The following MTMR10 variants were observed in gnomAD, a reference collection of about 807,000 sequenced individuals.
The protein encoded by MTMR10 is myotubularin-related protein 10.
Under a neutral mutation model 88.1 loss-of-function variants are expected in MTMR10, and 56 were observed. That is an observed-to-expected ratio of 0.64 (90% CI 0.51 to 0.79). MTMR10 has a LOEUF of 0.79. MTMR10 is among the 30% of genes least tolerant of loss of function. MTMR10 has a pLI of 0.00. For synonymous variants in MTMR10, 380 were observed against 340.9 expected, an observed-to-expected ratio of 1.11 and a Z score of -1.26; for missense variants, 883 against 924.7, an observed-to-expected ratio of 0.95 and a Z score of 0.58.
In MTMR10 at chr15:30,939,064, A is replaced by G; in HGVS notation, c.*2406T>C. On this transcript the variant is annotated 3_prime_UTR_variant, in exon 16 of 16. Transcript: ENST00000435680. ...ACTCAAGTCATCAATTTTAGGCACA[A>G]AGGTTTTAGTTTTCTCGGGAAATCA... 3 of 985,440 alleles carry G rather than the reference A, an allele frequency of 3.0e-6. No individual in the cohort carries two copies. Among genetic ancestry groups the G allele is most frequent in the Non-Finnish European group, 3.6e-6 (3 of 829,924 alleles). 61.0% of individuals were successfully genotyped at this position (985,440 alleles called of 1,614,324 possible).
At chr15:30,983,706 C>T (rs1252514492) in intron 2 of MTMR10, among the ~76,000 whole-genome samples, 4 of 152,138 alleles carry the variant, frequency 2.6e-5, no homozygotes, top group Non-Finnish European at 4.4e-5. Flanking sequence ...GAGGGGTTTC[C>T]CTGGGATGTG....
downstream of MTMR10, among the ~76,000 whole-genome samples, chr15:30,938,150 C>T (rs958844571): frequency 1.3e-5 from 2 of 151,462 alleles, no homozygotes; most frequent in African/African-American, 4.9e-5. Context: ...CACCACTGCA[C>T]TCCAGCCTGG....
At chr15:30,937,361 TTTGAC>T, downstream of MTMR10, 11 of 1,127,416 alleles carry the variant, frequency 9.8e-6, no homozygotes, top group South Asian at 1.6e-5. Context: ...AACCTGATAG[TTTGAC>T]TTGTCATTTT....
In MTMR10 at chr15:30,976,887, A is replaced by G; in HGVS notation, c.190T>C (p.Leu64=). The part of the protein sequence containing the change: ...CIATDTSQYD[L]WGKLICSNFK... Reference sequence around the variant, plus strand: ...TTACTGCATATCAGCTTTCCCCACAAATCGTACTGGCTTGTGTCTGTTGCA... The same window carrying G: ...TTACTGCATATCAGCTTTCCCCACAGATCGTACTGGCTTGTGTCTGTTGCA... Residue 64 remains leucine, a synonymous_variant, in exon 3 of 16, where the codon TTG becomes CTG. Coordinates refer to ENST00000435680, the MANE Select transcript of MTMR10 (RefSeq NM_017762.3). The G allele has an allele frequency of 6.2e-7, 1 of 1,613,950 alleles. No individual in the cohort carries two copies. The highest frequency in any genetic ancestry group is 8.5e-7 in the Non-Finnish European group (1 of 1,179,826).
At chr15:30,968,534 A>AACACAC (rs61503155) in intron 5 of MTMR10, among the ~76,000 whole-genome samples, 10,008 of 142,992 alleles carry the variant, frequency 0.07, 421 homozygotes, top group African/African-American at 0.1. Context: ...TCAAAAAAAC[A>AACACAC]ACACACACAC....
intron 10 of MTMR10, among the ~76,000 whole-genome samples, chr15:30,953,979 G>C (rs2063286315): frequency 6.6e-6 from 1 of 152,260 alleles, no homozygotes; most frequent in East Asian, 1.9e-4. Context: ...CCAGGCCCTA[G>C]CCCTTGGCTT....
In MTMR10 at chr15:30,941,990, C is replaced by A; in HGVS notation, c.1814G>T (p.Arg605Ile). Residue 605 changes from arginine to isoleucine, a missense_variant, in exon 16 of 16, where the codon AGA becomes ATA. Coordinates refer to ENST00000435680, the MANE Select transcript of MTMR10 (RefSeq NM_017762.3). ...CTTTGGTTTTAATATCAATGAATTTCTCCTTGGAAGTAATTCTTGGTCACT... is the reference window on the plus strand; with the variant it reads ...CTTTGGTTTTAATATCAATGAATTTATCCTTGGAAGTAATTCTTGGTCACT... ...IISDQELLPR[R>I]NSLILKPKPD... The A allele has an allele frequency of 1.2e-6, 2 of 1,613,972 alleles. No individual in the cohort carries two copies. Among genetic ancestry groups the A allele is most frequent in the Non-Finnish European group, 1.7e-6 (2 of 1,179,908 alleles).
In MTMR10 at chr15:30,948,449, G is replaced by A; in HGVS notation, c.1230C>T (p.Ser410=). ...CTTGAACAAGAGAAGCTACACAACA[G>A]CTCAAGTCTCTTCCTTCCTCCTCTG... The part of the protein sequence containing the change: ...VLQEEEGRDL[S]CCVASLVQVM... Residue 410 remains serine, a synonymous_variant, in exon 13 of 16, where the codon AGC becomes AGT. Coordinates refer to ENST00000435680, the MANE Select transcript of MTMR10 (RefSeq NM_017762.3). 1 of 1,609,484 alleles carries A rather than the reference G, an allele frequency of 6.2e-7. No individual in the cohort carries two copies. Among genetic ancestry groups the A allele is most frequent in the Non-Finnish European group, 8.5e-7 (1 of 1,177,592 alleles).
intron 2 of MTMR10, among the ~76,000 whole-genome samples, chr15:30,983,200 C>CA (rs2030708844): frequency 6.6e-6 from 1 of 152,192 alleles, no homozygotes; most frequent in South Asian, 2.1e-4. Flanking sequence ...GGACCATTTA[C>CA]AGCACCAAGC....
chr15:30,953,296 A>G (rs1377878490), intron 11 of MTMR10, among the ~76,000 whole-genome samples: 1 of 152,036 alleles, frequency 6.6e-6, no homozygotes, highest in Non-Finnish European at 1.5e-5. Context: ...GGTTACGTGA[A>G]CCTACACACG....
intron 12 of MTMR10, 59 bp downstream of exon 12, chr15:30,951,909 A>G (rs2063252655): frequency 2.1e-6 from 3 of 1,410,622 alleles, no homozygotes; most frequent in Non-Finnish European, 3.0e-6. Flanking sequence ...GGGGACAAGC[A>G]GTAAACCAAG....
At chr15:30,968,256 G>T in intron 5 of MTMR10, 1 of 324,976 alleles carries the variant, frequency 3.1e-6, no homozygotes, top group Non-Finnish European at 5.5e-6. Flanking sequence ...TATTTGCTGA[G>T]TTAAATTTTA....
the MTMR10 span, among the ~76,000 whole-genome samples, chr15:30,919,532 A>T: frequency 6.6e-6 from 1 of 151,778 alleles, no homozygotes; most frequent in Non-Finnish European, 1.5e-5. Flanking sequence ...CTCTACTAAA[A>T]ATACAAAAAT....
chr15:30,990,962 T>A, intron 1 of MTMR10, 125 bp from the exon 2 acceptor site: 1 of 783,168 alleles, frequency 1.3e-6, no homozygotes, highest in Non-Finnish European at 2.0e-6. Context: ...TTTAAATTCT[T>A]TCGCATATTA....
chr15:30,932,480 G>A, the MTMR10 span, among the ~76,000 whole-genome samples: 1 of 152,104 alleles, frequency 6.6e-6, no homozygotes, highest in African/African-American at 2.4e-5. Context: ...AATAGTTGGT[G>A]TAGAATTAGT....
chr15:30,982,487 C>CA (rs561642306), intron 2 of MTMR10, among the ~76,000 whole-genome samples: 65 of 149,242 alleles, frequency 4.4e-4, no homozygotes, highest in Middle Eastern at 6.8e-3. Flanking sequence ...TAACAACAGC[C>CA]AAAAAAAAGA....
chr15:30,958,955 G>A lies in MTMR10; in HGVS notation c.847-4C>T, dbSNP rs142934760. 427 of 1,613,994 alleles carry A rather than the reference G, an allele frequency of 2.6e-4. No homozygotes were observed. The African/African-American group carries it at 4.6e-3, about 17-fold the overall frequency. On this transcript the variant is annotated splice_polypyrimidine_tract_variant and splice_region_variant and intron_variant, in intron 8 of 15. Coordinates refer to ENST00000435680, the MANE Select transcript of MTMR10 (RefSeq NM_017762.3). ...TAGAGTGGCTCCAGCACCAGAGCTA[G>A]GGGAGAGGTAGAATCCTTACTTCAC... is the stretch of plus-strand genomic sequence containing the variant.
chr15:30,970,605 C>T (rs2949577), intron 5 of MTMR10, among the ~76,000 whole-genome samples: 62,797 of 152,046 alleles, frequency 0.41, 14,397 homozygotes, highest in East Asian at 0.85. Flanking sequence ...ATACTAATGT[C>T]TATCACATTC....
intron 5 of MTMR10, among the ~76,000 whole-genome samples, chr15:30,973,495 C>A (rs78314860): frequency 0.015 from 2,331 of 152,228 alleles, 24 homozygotes; most frequent in Middle Eastern, 0.037. Context: ...TTACTGCAGT[C>A]AGTTGACTAA....
Sources: allele counts gnomAD v4.1 joint callset (sites outside exome capture counted in the v4.1 genomes callset), GRCh38; gene constraint gnomAD v4.1.1; transcripts MANE v1.5; gene names NCBI Gene and HGNC (gene_info 2026-07-23, HGNC 2026-07-21).